Variants in PLCG2 observed in about 807,000 individuals in gnomAD.
The protein encoded by PLCG2 is phospholipase C gamma 2.
Under a neutral mutation model 175.6 loss-of-function variants are expected in PLCG2, and 69 were observed. That is an observed-to-expected ratio of 0.39 (90% CI 0.32 to 0.48). The LOEUF is 0.48. Among genes scored for constraint, PLCG2 ranks in the 20% least tolerant of loss-of-function variants. The pLI is 0.91. For synonymous variants in PLCG2, 827 were observed against 624.0 expected (o/e 1.33, Z -4.85); for missense variants, 1,798 against 1,650.9 (o/e 1.09, Z -1.54).
intron 14 of PLCG2, among the ~76,000 whole-genome samples, chr16:81,902,454 T>G (rs1318358776): frequency 6.6e-6 from 1 of 152,174 alleles, no homozygotes; most frequent in Non-Finnish European, 1.5e-5. Context: ...GTGGAAAGGG[T>G]GAGGCAGCTC....
At chr16:81,751,421 C>G (rs996030232) in intron 1 of PLCG2, among the ~76,000 whole-genome samples, 1 of 152,292 alleles carries the variant, frequency 6.6e-6, no homozygotes, top group East Asian at 1.9e-4. Flanking sequence ...GAATCTAAAA[C>G]AGTCAAACTC....
At chr16:81,842,168 C>G (rs1054550763) in intron 2 of PLCG2, among the ~76,000 whole-genome samples, 2 of 152,200 alleles carry the variant, frequency 1.3e-5, no homozygotes, top group African/African-American at 4.8e-5. Context: ...GAACCAAGGT[C>G]TTTGTACTCC....
chr16:81,925,238 A>T (rs576520335), intron 22 of PLCG2, among the ~76,000 whole-genome samples: 1 of 152,204 alleles, frequency 6.6e-6, no homozygotes, highest in Non-Finnish European at 1.5e-5. Context: ...CTCTGATGGC[A>T]GTAGTGCTAC....
chr16:81,806,003 T>C (rs1159935610), intron 2 of PLCG2, among the ~76,000 whole-genome samples: 1 of 152,010 alleles, frequency 6.6e-6, no homozygotes, highest in Non-Finnish European at 1.5e-5. Context: ...TGAAACTAAC[T>C]TTATTAATAA....
At chr16:81,818,804 C>G (rs1355906941) in intron 2 of PLCG2, among the ~76,000 whole-genome samples, 1 of 150,996 alleles carries the variant, frequency 6.6e-6, no homozygotes, top group African/African-American at 2.4e-5. Context: ...TGGAGGGCAG[C>G]CTCATGAGAA....
In PLCG2 at chr16:81,928,570, A is replaced by G. The variant is rs1726062459; in HGVS notation, c.2527A>G (p.Asn843Asp). 6.2e-7 allele frequency: 1 copy of G among 1,604,088 alleles called. No homozygotes were observed. The highest frequency in any genetic ancestry group is 1.1e-5 in the South Asian group (1 of 90,882). The change falls in exon 24 of 33, where the codon AAT (asparagine) becomes GAT (aspartate). Residue 843 changes from asparagine (N) to aspartate (D), a missense_variant. Asn to Asp is a conservative substitution (Grantham distance 23, BLOSUM62 1). Coordinates refer to ENST00000564138, the MANE Select transcript of PLCG2 (RefSeq NM_002661.5). ...EELEKQIIED[N>D]PLGSLCRGIL... Reference sequence around the variant, plus strand: ...TGTTTCTTCACAGATTATTGAAGACAATCCCTTAGGGTCTCTTTGCAGAGG... The same window carrying G: ...TGTTTCTTCACAGATTATTGAAGACGATCCCTTAGGGTCTCTTTGCAGAGG...
intron 1 of PLCG2, among the ~76,000 whole-genome samples, chr16:81,782,817 A>G (rs1910797886): frequency 6.6e-6 from 1 of 152,220 alleles, no homozygotes; most frequent in African/African-American, 2.4e-5. Context: ...CAACAGTTGA[A>G]TGGACATTAC....
chr16:81,826,543 G>A (rs1004850072), intron 2 of PLCG2, among the ~76,000 whole-genome samples: 13 of 152,332 alleles, frequency 8.5e-5, no homozygotes, highest in African/African-American at 2.9e-4. Flanking sequence ...AATGTAACAA[G>A]CACTTAGAAT....
At chr16:81,764,108 C>T (rs1458250896) in intron 2 of PLCG2, among the ~76,000 whole-genome samples, 1 of 151,870 alleles carries the variant, frequency 6.6e-6, no homozygotes, top group Non-Finnish European at 1.5e-5. Context: ...GCCTGGGTAA[C>T]ATGGTGAGAC....
chr16:81,795,511 G>A (rs1295960385), intron 2 of PLCG2, among the ~76,000 whole-genome samples: 1 of 152,220 alleles, frequency 6.6e-6, no homozygotes, highest in Admixed American at 6.5e-5. Context: ...CAGTGGGATT[G>A]GGGGTGGGAC....
chr16:81,905,697 C>T (rs948220831), intron 15 of PLCG2, among the ~76,000 whole-genome samples, 190 bp downstream of exon 15: 2 of 152,028 alleles, frequency 1.3e-5, no homozygotes, highest in South Asian at 2.1e-4. Context: ...CTCACTCTGT[C>T]GCCCAGGCTG....
intron 2 of PLCG2, among the ~76,000 whole-genome samples, chr16:81,762,780 A>G (rs1000974695): frequency 6.6e-6 from 1 of 152,188 alleles, no homozygotes; most frequent in African/African-American, 2.4e-5. Flanking sequence ...GCCCCTTCAA[A>G]TGGGCATTAA....
intron 20 of PLCG2, 42 bp from the exon 21 acceptor site, chr16:81,921,156 G>T: frequency 1.6e-6 from 2 of 1,228,528 alleles, no homozygotes; most frequent in Non-Finnish European, 2.4e-6. Flanking sequence ...GCTATTCCAG[G>T]AGCATGGATT....
intron 28 of PLCG2, 105 bp from the exon 29 acceptor site, chr16:81,938,696 G>A: frequency 1.5e-6 from 1 of 648,198 alleles, no homozygotes; most frequent in Admixed American, 2.7e-5. Context: ...AATTAGGGCT[G>A]GCATTGAACT....
chr16:81,894,424 G>T (rs1038389009), intron 12 of PLCG2, among the ~76,000 whole-genome samples: 1 of 152,156 alleles, frequency 6.6e-6, no homozygotes, highest in Non-Finnish European at 1.5e-5. Context: ...GCGAGACTCT[G>T]TGTCTAAACT....
At chr16:81,849,429 T>C (rs1906287122) in intron 2 of PLCG2, among the ~76,000 whole-genome samples, 2 of 152,186 alleles carry the variant, frequency 1.3e-5, no homozygotes, top group Non-Finnish European at 2.9e-5. Flanking sequence ...GTATAATTTT[T>C]CTGTAAGGAC....
At chr16:81,777,123 CAG>C (rs34404649), upstream of PLCG2, among the ~76,000 whole-genome samples, 104,239 of 151,802 alleles carry the variant, frequency 0.69, 36,163 homozygotes, top group African/African-American at 0.76. Context: ...ATAGATTAAA[CAG>C]AGAAACCTGT....
At chr16:81,808,540 C>T (rs1258464232) in intron 2 of PLCG2, among the ~76,000 whole-genome samples, 1 of 152,206 alleles carries the variant, frequency 6.6e-6, no homozygotes, top group South Asian at 2.1e-4. Flanking sequence ...GTCGCCCAGG[C>T]TGGAGTGCGG....
intron 13 of PLCG2, among the ~76,000 whole-genome samples, chr16:81,899,120 C>A (rs1022982361): frequency 6.6e-6 from 1 of 151,912 alleles, no homozygotes; most frequent in Non-Finnish European, 1.5e-5. Context: ...ACTTGGGAGG[C>A]GGAGGTTGCA....
Sources: gnomAD v4.1 joint callset for allele counts (sites outside exome capture counted in the v4.1 genomes callset) on GRCh38, gnomAD v4.1.1 for gene constraint, MANE v1.5 for transcripts, NCBI Gene and HGNC (gene_info 2026-07-23, HGNC 2026-07-21) for gene names.